Variants in FAM186B observed in about 807,000 individuals in gnomAD.
The protein encoded by FAM186B is family with sequence similarity 186 member B, also known as protein FAM186B.
Under a neutral mutation model 83.4 loss-of-function variants are expected in FAM186B, and 68 were observed. The observed-to-expected ratio is 0.81, with a 90% CI of 0.67 to 1.00. The LOEUF (loss-of-function observed/expected upper bound fraction) is 1.00, where lower values mean the gene tolerates loss of function less well. Ranked by LOEUF, FAM186B falls within the 50% of genes least tolerant of loss-of-function variation. FAM186B has a pLI of 0.00. For missense variants in FAM186B, 983 were observed against 1,099.2 expected (o/e 0.89, Z 1.49); for synonymous variants, 389 against 422.0 (o/e 0.92, Z 0.96).
At position 49,600,188 on chromosome 12, in the gene FAM186B, G is replaced by A. The variant is rs374816762; in HGVS notation, c.1452C>T (p.Phe484=). The change falls in exon 4 of 7, where the codon TTC becomes TTT. Residue 484 remains phenylalanine (F), a synonymous_variant. Transcript: ENST00000257894. The surrounding 1 kb of genome is among the most constrained non-coding windows in gnomAD (Gnocchi z 4.3). The stretch of plus-strand genomic sequence containing the variant: ...ACAGCTGCCTCCGCATCTCCCGGCC[G>A]AATTCCTCCTCCCAGGGCTCCTCTT... ...ESQEEPWEEE[F]GREMRRQLWL... is the part of the protein sequence containing the mutation. 1.7e-4 allele frequency: 278 copies of A among 1,613,036 alleles called. No homozygotes were observed. The highest frequency in any genetic ancestry group is 2.2e-4 in the Non-Finnish European group (262 of 1,179,396).
Position 49,587,559 on chromosome 12 carries a change from C to T in FAM186B, c.*46G>A, listed in dbSNP as rs778699638. On this transcript the variant is annotated 3_prime_UTR_variant, in exon 7 of 7. Transcript: ENST00000257894. The stretch of plus-strand genomic sequence containing the variant: ...GAATCCACATTGACCATCAGCCTCG[C>T]ACCTTACTGGGCCTTCAGGAAGTTC... 6 of 1,612,858 alleles carry T rather than the reference C, an allele frequency of 3.7e-6. No individual in the cohort carries two copies. The highest frequency in any genetic ancestry group is 5.1e-6 in the Non-Finnish European group (6 of 1,178,824).
the FAM186B span, among the ~76,000 whole-genome samples, chr12:49,611,883 T>TA: frequency 1.3e-4 from 19 of 149,806 alleles, no homozygotes; most frequent in Non-Finnish European, 2.5e-4. Context: ...TAAAATAAAA[T>TA]AAATAAACTT....
the FAM186B span, among the ~76,000 whole-genome samples, chr12:49,614,537 T>C: frequency 6.6e-6 from 1 of 152,210 alleles, no homozygotes; most frequent in Non-Finnish European, 1.5e-5. Context: ...TGGGTACTTA[T>C]GGCCAGAAAG....
Position 49,599,854 on chromosome 12 carries a change from T to A in FAM186B, c.1786A>T (p.Met596Leu). The A allele has an allele frequency of 6.2e-7, 1 of 1,608,402 alleles. No homozygotes were observed. The highest frequency in any genetic ancestry group is 8.5e-7 in the Non-Finnish European group (1 of 1,176,750). Residue 596 changes from methionine (M) to leucine (L), a missense_variant, in exon 4 of 7, where the codon ATG becomes TTG. By Grantham distance (15) the Met-to-Leu change is conservative (BLOSUM62 2). Transcript: ENST00000257894. ...GCAGGCTGCTGGGTACTAGGAGACA[T>A]GGGCAAGTGTGGCCTCCTGCTTTGG... ...AHQSRRPHLP[M>L]SPSTQQPALG... is the part of the protein sequence containing the mutation.
At chr12:49,619,867 A>G in the FAM186B span, among the ~76,000 whole-genome samples, 2 of 150,892 alleles carry the variant, frequency 1.3e-5, no homozygotes, top group African/African-American at 4.9e-5. Context: ...TTTAGTAGAG[A>G]CGGGGTTTCA....
the FAM186B span, chr12:49,619,594 C>T: frequency 7.9e-6 from 5 of 630,344 alleles, no homozygotes; most frequent in African/African-American, 7.5e-5. Context: ...ATCGGGAATT[C>T]TGGGCAAAAC....
At chr12:49,595,313 G>T in intron 5 of FAM186B, 1 of 646,768 alleles carries the variant, frequency 1.5e-6, no homozygotes, top group South Asian at 1.4e-5. Context: ...AAAAAAGAGG[G>T]ACCATATGAC....
In FAM186B at chr12:49,601,027, T is replaced by A. The variant is rs748890917; in HGVS notation, c.613A>T (p.Met205Leu). ...PEQMLQDQHTMNTKASEVTSM... is the reference protein window; with the variant it reads ...PEQMLQDQHTLNTKASEVTSM... ...GTCACCTCCGAGGCCTTCGTGTTCA[T>A]GGTATGCTGGTCCTGGAGCATCTGT... The change falls in exon 4 of 7, where the codon ATG becomes TTG. Residue 205 changes from methionine (M) to leucine (L), a missense_variant. By Grantham distance (15) the Met-to-Leu change is conservative. Coordinates refer to ENST00000257894, the MANE Select transcript of FAM186B (RefSeq NM_032130.3). 2.5e-6 allele frequency: 4 copies of A among 1,614,132 alleles called. No individual in the cohort carries two copies. The South Asian group carries it at 3.3e-5, about 13-fold the overall frequency.
intron 3 of FAM186B, among the ~76,000 whole-genome samples, chr12:49,602,096 A>G (rs1939908313): frequency 6.6e-6 from 1 of 152,320 alleles, no homozygotes; most frequent in East Asian, 1.9e-4. Context: ...AATGTGAAAA[A>G]TGGGGATAAT....
intron 5 of FAM186B, among the ~76,000 whole-genome samples, chr12:49,591,306 G>C (rs570755569): frequency 6.6e-6 from 1 of 152,304 alleles, no homozygotes; most frequent in East Asian, 1.9e-4. Flanking sequence ...GTGCAGGCCT[G>C]GGAGGAAACC....
chr12:49,589,947 C>T (rs1340660516), intron 5 of FAM186B, among the ~76,000 whole-genome samples: 1 of 141,912 alleles, frequency 7.0e-6, no homozygotes. Context: ...CACCACTGCA[C>T]TCCAGCCTGG....
the FAM186B span, among the ~76,000 whole-genome samples, chr12:49,615,865 A>G: frequency 2.0e-5 from 3 of 152,216 alleles, no homozygotes; most frequent in African/African-American, 7.2e-5. Flanking sequence ...TAGTCATTGC[A>G]TTAGGGAAAT....
At chr12:49,616,926 C>T in the FAM186B span, among the ~76,000 whole-genome samples, 1 of 152,132 alleles carries the variant, frequency 6.6e-6, no homozygotes, top group African/African-American at 2.4e-5. Context: ...TGTGGGCAAC[C>T]AGGGCAAAGG....
the FAM186B span, among the ~76,000 whole-genome samples, chr12:49,618,393 T>TGAACAGAG: frequency 6.6e-6 from 1 of 150,446 alleles, no homozygotes; most frequent in African/African-American, 2.4e-5. Flanking sequence ...ATGTACCACC[T>TGAACAGAG]GAACAGAGAA....
intron 3 of FAM186B, among the ~76,000 whole-genome samples, chr12:49,601,496 T>C (rs1939893320): frequency 1.3e-5 from 2 of 152,200 alleles, no homozygotes; most frequent in African/African-American, 4.8e-5. Flanking sequence ...TGTGTTTGCC[T>C]CCTATTGTCA....
At chr12:49,610,086 T>C (rs370446436), upstream of FAM186B, among the ~76,000 whole-genome samples, 5 of 147,486 alleles carry the variant, frequency 3.4e-5, no homozygotes, top group Admixed American at 6.8e-5. Flanking sequence ...AAAGACCCAA[T>C]CTAATATTCT....
At chr12:49,614,016 A>C in the FAM186B span, among the ~76,000 whole-genome samples, 1 of 150,466 alleles carries the variant, frequency 6.6e-6, no homozygotes, top group Non-Finnish European at 1.5e-5. Flanking sequence ...CAGGCATGGC[A>C]GCGGGTGGCT....
In FAM186B at chr12:49,603,190, G is replaced by A; in HGVS notation, c.500C>T (p.Ser167Leu). ...CAGGTGCTCCTAGAACCTACCTTGT[G>A]ACCTTTTCTTTTGTCCTTCAATGAG... ...STLIEGQKKR[S>L]QVSKRTFWQG... The change falls in exon 3 of 7, where the codon TCA (serine) becomes TTA (leucine). Residue 167 changes from serine (S) to leucine (L), a missense_variant. Physicochemically the swap from Ser to Leu is moderately radical, Grantham distance 145 (BLOSUM62 -2). Transcript: ENST00000257894. 1 of 1,614,180 alleles carries A rather than the reference G, an allele frequency of 6.2e-7. No individual in the cohort carries two copies.
At chr12:49,589,352 C>T (rs3861577) in intron 5 of FAM186B, among the ~76,000 whole-genome samples, 2,006 of 152,288 alleles carry the variant, frequency 0.013, 40 homozygotes, top group African/African-American at 0.045. Context: ...GGGACCACGT[C>T]GGCACTTGCT....
Sources: gnomAD v4.1 joint callset for allele counts (sites outside exome capture counted in the v4.1 genomes callset) on GRCh38, gnomAD v4.1.1 for gene constraint, Gnocchi (gnomAD v3.1) non-coding constraint, MANE v1.5 for transcripts, NCBI Gene and HGNC (gene_info 2026-07-23, HGNC 2026-07-21) for gene names.